The following CNTN5 variants were observed in gnomAD, a reference collection of about 807,000 sequenced individuals.
CNTN5 encodes the protein contactin-5.
In CNTN5, 77 loss-of-function variants were observed where a neutral mutation model predicts 129.1. The observed-to-expected ratio is 0.60, with a 90% CI of 0.50 to 0.72. CNTN5 has a LOEUF of 0.72. Among genes scored for constraint, CNTN5 ranks in the 30% least tolerant of loss-of-function variants. The pLI, the probability that CNTN5 is intolerant of heterozygous loss-of-function variation, is 0.00. For missense variants in CNTN5, 1,478 were observed against 1,328.8 expected, an observed-to-expected ratio of 1.11 and a Z score of -1.75; for synonymous variants, 509 against 465.6, an observed-to-expected ratio of 1.09 and a Z score of -1.20.
At chr11:99,825,195 G>A in intron 4 of CNTN5, among the ~76,000 whole-genome samples, 1 of 151,916 alleles carries the variant, frequency 6.6e-6, no homozygotes. Flanking sequence ...GTATCTGCCA[G>A]ACTCTTTAAT....
intron 1 of CNTN5, among the ~76,000 whole-genome samples, chr11:99,268,008 G>T (rs895105825): frequency 6.6e-6 from 1 of 150,958 alleles, no homozygotes; most frequent in South Asian, 2.1e-4. Context: ...CCAAGAGCAT[G>T]GTGTCCACAT....
chr11:100,271,179 C>T lies in CNTN5; in HGVS notation c.2252C>T (p.Thr751Ile), dbSNP rs748118641. The change falls in exon 18 of 25, where the codon ACC becomes ATC. Residue 751 changes from threonine (T) to isoleucine (I), a missense_variant. Coordinates refer to ENST00000524871, the MANE Select transcript of CNTN5 (RefSeq NM_014361.4). ...WVEYEFRVVA[T>I]NPIGTGDPST... ...GAATATGAATTTCGAGTGGTAGCCA[C>T]CAACCCTATTGGGACAGGAGATCCA... 1 of 1,613,244 alleles carries T rather than the reference C, an allele frequency of 6.2e-7. No individual in the cohort carries two copies.
intron 8 of CNTN5, among the ~76,000 whole-genome samples, chr11:99,974,341 T>C (rs1937789979): frequency 6.6e-6 from 1 of 152,182 alleles, no homozygotes; most frequent in Non-Finnish European, 1.5e-5. Flanking sequence ...AAGGTCATAG[T>C]TGGTGAGAGG....
chr11:100,158,383 C>T (rs963608014), intron 13 of CNTN5, among the ~76,000 whole-genome samples: 9 of 151,762 alleles, frequency 5.9e-5, no homozygotes, highest in East Asian at 5.8e-4. Flanking sequence ...ACAGTATTTG[C>T]GCTACACACA....
At chr11:99,693,393 T>G (rs1307391842) in intron 3 of CNTN5, among the ~76,000 whole-genome samples, 1 of 152,058 alleles carries the variant, frequency 6.6e-6, no homozygotes, top group Non-Finnish European at 1.5e-5. Flanking sequence ...AATGTGAAAT[T>G]ATGATACATA....
At chr11:99,361,819 C>G (rs1173591036) in intron 2 of CNTN5, among the ~76,000 whole-genome samples, 1 of 152,074 alleles carries the variant, frequency 6.6e-6, no homozygotes, top group Admixed American at 6.6e-5. Context: ...CATCAGAATT[C>G]TATTCCTATT....
At chr11:99,160,540 T>G (rs1218761491) in intron 1 of CNTN5, among the ~76,000 whole-genome samples, 1 of 152,164 alleles carries the variant, frequency 6.6e-6, no homozygotes, top group Non-Finnish European at 1.5e-5. Flanking sequence ...GATATATATT[T>G]TACTTTTTGC....
intron 9 of CNTN5, among the ~76,000 whole-genome samples, chr11:100,058,512 C>A (rs1206813620): frequency 6.6e-6 from 1 of 152,160 alleles, no homozygotes; most frequent in East Asian, 1.9e-4. Context: ...ATTCTAGGAT[C>A]TATTAAAAGA....
intron 9 of CNTN5, among the ~76,000 whole-genome samples, chr11:100,020,669 C>A (rs1464462611): frequency 1.3e-5 from 2 of 151,934 alleles, no homozygotes; most frequent in Non-Finnish European, 2.9e-5. Flanking sequence ...ATCTTATATG[C>A]AGAAAACATT....
At position 99,329,914 on chromosome 11, in the gene CNTN5, GACACACACACACACAC is replaced by G. The variant is rs58544462; in HGVS notation, c.-71+4458_-71+4473del. On this transcript the variant is annotated intron_variant, in intron 2 of 24. Coordinates refer to ENST00000524871, the MANE Select transcript of CNTN5 (RefSeq NM_014361.4). ...CTATATCTGTACATATACAAGCAGT[GACACACACACACACAC>G]ACACACACACACACACACACACACA... Among the ~76,000 whole-genome samples the G allele has an allele frequency of 4.2e-3, 583 of 140,380 alleles. 4 individuals are homozygous for G. Among genetic ancestry groups the G allele is most frequent in the African/African-American group, 0.014 (535 of 38,036 alleles). 92.1% of individuals were successfully genotyped at this position (140,380 alleles called of 152,430 possible). A position where few individuals can be genotyped will look rare whatever the true frequency, so the allele number is the denominator to read the frequency against.
At chr11:99,910,378 G>T (rs1037777149) in intron 6 of CNTN5, among the ~76,000 whole-genome samples, 5 of 152,036 alleles carry the variant, frequency 3.3e-5, no homozygotes, top group Non-Finnish European at 5.9e-5. Flanking sequence ...GTGTGTTATG[G>T]TAGCCATTCT....
At chr11:99,086,470 G>A (rs1413915902) in intron 1 of CNTN5, among the ~76,000 whole-genome samples, 2 of 152,266 alleles carry the variant, frequency 1.3e-5, no homozygotes, top group East Asian at 3.9e-4. Context: ...GTGAAGTGGG[G>A]GGCCAGTGAG....
At chr11:100,324,324 G>C (rs956733371) in intron 21 of CNTN5, among the ~76,000 whole-genome samples, 1 of 152,130 alleles carries the variant, frequency 6.6e-6, no homozygotes, top group Non-Finnish European at 1.5e-5. Context: ...TGAAGCTATA[G>C]GGTTATAGTG....
chr11:99,672,996 CTTAGG>C (rs1565412590), intron 3 of CNTN5, among the ~76,000 whole-genome samples: 1 of 152,072 alleles, frequency 6.6e-6, no homozygotes, highest in Non-Finnish European at 1.5e-5. Context: ...GACACATTCT[CTTAGG>C]TTAGGCTACT....
At chr11:99,973,847 A>G (rs528477915) in intron 8 of CNTN5, among the ~76,000 whole-genome samples, 1 of 152,202 alleles carries the variant, frequency 6.6e-6, no homozygotes, top group Non-Finnish European at 1.5e-5. Context: ...GTTCACTCCA[A>G]TGAGATATTT....
intron 13 of CNTN5, among the ~76,000 whole-genome samples, chr11:100,160,428 A>G (rs1176613288): frequency 6.6e-6 from 1 of 151,984 alleles, no homozygotes; most frequent in African/African-American, 2.4e-5. Context: ...TCCGTTGGGT[A>G]TATACCCAGT....
chr11:99,806,194 A>C (rs948575098), intron 3 of CNTN5, among the ~76,000 whole-genome samples: 4 of 152,144 alleles, frequency 2.6e-5, no homozygotes, highest in African/African-American at 9.7e-5. Flanking sequence ...CCAATGACAA[A>C]CTAATCTTCT....
At chr11:100,268,960 A>G (rs1950357703) in intron 17 of CNTN5, among the ~76,000 whole-genome samples, 1 of 152,212 alleles carries the variant, frequency 6.6e-6, no homozygotes, top group Non-Finnish European at 1.5e-5. Flanking sequence ...TCTGAAATCT[A>G]GGGAAGAGGT....
In CNTN5 at chr11:100,297,653, C is replaced by T. The variant is rs202149564; in HGVS notation, c.2343C>T (p.Ser781=). 224 of 1,606,058 alleles carry T rather than the reference C, an allele frequency of 1.4e-4. No homozygotes were observed. The highest frequency in any genetic ancestry group is 3.3e-4 in the Middle Eastern group (2 of 6,032). ...CGAAGACAGCACCCACCAATGTAAG[C>T]GGAAGAAGTGGAAGAAGGCATGAGT... ...AVPKTAPTNV[S]GRSGRRHELV... is the part of the protein sequence containing the mutation. The change falls in exon 19 of 25, where the codon AGC becomes AGT. Residue 781 remains serine, a synonymous_variant. Coordinates refer to ENST00000524871, the MANE Select transcript of CNTN5 (RefSeq NM_014361.4).
Sources: allele counts gnomAD v4.1 joint callset (sites outside exome capture counted in the v4.1 genomes callset), GRCh38; gene constraint gnomAD v4.1.1; transcripts MANE v1.5; gene names NCBI Gene and HGNC (gene_info 2026-07-23, HGNC 2026-07-21).